The following GPATCH8 variants were observed in gnomAD, a reference collection of about 807,000 sequenced individuals.
GPATCH8 encodes G-patch domain containing 8.
In GPATCH8, 18 loss-of-function variants were observed where a neutral mutation model predicts 118.3. That is an observed-to-expected ratio of 0.15 (90% confidence interval 0.11 to 0.23). The LOEUF (loss-of-function observed/expected upper bound fraction) is 0.23. Ranked by LOEUF, GPATCH8 falls within the 10% of genes least tolerant of loss-of-function variation. GPATCH8 has a pLI of 1.00. For missense variants in GPATCH8, 1,631 were observed against 1,873.8 expected (o/e 0.87, Z 2.39); for synonymous variants, 659 against 684.7 (o/e 0.96, Z 0.59).
chr17:44,414,190 CAT>C (rs1297795490), intron 6 of GPATCH8, among the ~76,000 whole-genome samples: 3 of 142,612 alleles, frequency 2.1e-5, no homozygotes, highest in African/African-American at 5.0e-5. Flanking sequence ...TACATACACA[CAT>C]GTACATATGT....
intron 5 of GPATCH8, among the ~76,000 whole-genome samples, chr17:44,429,981 G>A (rs1279281106): frequency 1.3e-5 from 2 of 152,184 alleles, no homozygotes; most frequent in African/African-American, 2.4e-5. Context: ...GTGAGCCATC[G>A]TGCCACTGCA....
chr17:44,490,832 C>A (rs1174386348), intron 1 of GPATCH8, among the ~76,000 whole-genome samples: 2 of 152,168 alleles, frequency 1.3e-5, no homozygotes, highest in East Asian at 3.8e-4. Flanking sequence ...TAGTTCCTTA[C>A]AAGTCAAGGA....
At chr17:44,444,717 G>A (rs1016650171) in intron 3 of GPATCH8, among the ~76,000 whole-genome samples, 3 of 151,472 alleles carry the variant, frequency 2.0e-5, no homozygotes, top group African/African-American at 4.9e-5. Context: ...AAGTTGCAGT[G>A]AGCCGAGATC....
chr17:44,429,690 C>CA (rs59422081), intron 5 of GPATCH8, among the ~76,000 whole-genome samples: 1,591 of 75,114 alleles, frequency 0.021, 34 homozygotes, highest in African/African-American at 0.055. Flanking sequence ...ACACACAAAA[C>CA]AACAAACAAA....
chr17:44,446,691 A>G (rs918108521), intron 3 of GPATCH8, among the ~76,000 whole-genome samples: 6 of 152,196 alleles, frequency 3.9e-5, no homozygotes, highest in African/African-American at 1.4e-4. Flanking sequence ...TTGTGATACT[A>G]TAATAAGCCA....
At chr17:44,475,803 A>G (rs1967721600) in intron 1 of GPATCH8, among the ~76,000 whole-genome samples, 1 of 152,166 alleles carries the variant, frequency 6.6e-6, no homozygotes. Context: ...AGGCGGGAAG[A>G]TCACTTGAGG....
At chr17:44,441,141 C>G (rs577442844) in intron 3 of GPATCH8, among the ~76,000 whole-genome samples, 110 of 152,260 alleles carry the variant, frequency 7.2e-4, no homozygotes, top group African/African-American at 2.6e-3. Context: ...AGCCACTGCA[C>G]CCAGCCCAGG....
intron 6 of GPATCH8, among the ~76,000 whole-genome samples, chr17:44,411,717 A>C (rs947449852): frequency 6.6e-6 from 1 of 152,208 alleles, no homozygotes; most frequent in Non-Finnish European, 1.5e-5. Flanking sequence ...CTGCTCTCCC[A>C]ACAGGGACTG....
chr17:44,435,062 T>C lies in GPATCH8; in HGVS notation c.348+3A>G, dbSNP rs774337253. On this transcript the variant is annotated splice_donor_region_variant and intron_variant, in intron 5 of 7. Coordinates refer to ENST00000591680, the MANE Select transcript of GPATCH8 (RefSeq NM_001002909.4). ...CTCCCAATGAATAGCTTTGTTTAAA[T>C]ACCTTGTACTTTTGTCTCAGCTCTT... The C allele has an allele frequency of 2.4e-6, 3 of 1,253,920 alleles. No homozygotes were observed. Among genetic ancestry groups the C allele is most frequent in the Non-Finnish European group, 3.5e-6 (3 of 850,938 alleles). The allele number at this position is 1,253,920 out of a possible 1,614,324, so 77.7% of individuals were successfully genotyped here.
chr17:44,419,724 G>A (rs181448780), intron 6 of GPATCH8, among the ~76,000 whole-genome samples: 3 of 151,656 alleles, frequency 2.0e-5, no homozygotes, highest in East Asian at 1.9e-4. Context: ...GCAGTGGCAC[G>A]AGCATAGCTC....
At chr17:44,420,346 ACAC>A (rs1286120071) in intron 6 of GPATCH8, among the ~76,000 whole-genome samples, 2 of 152,238 alleles carry the variant, frequency 1.3e-5, no homozygotes, top group Non-Finnish European at 2.9e-5. Context: ...AGGTCAAATG[ACAC>A]CACAATATCA....
chr17:44,416,764 T>C (rs913805487), intron 6 of GPATCH8, among the ~76,000 whole-genome samples: 2 of 152,152 alleles, frequency 1.3e-5, no homozygotes, highest in Non-Finnish European at 2.9e-5. Context: ...TTAAATCATG[T>C]ATTAACAGAT....
Position 44,398,969 on chromosome 17 carries a change from G to C in GPATCH8, c.3108C>G (p.Pro1036=). 1 of 1,614,108 alleles carries C rather than the reference G, an allele frequency of 6.2e-7. No homozygotes were observed. Among genetic ancestry groups the C allele is most frequent in the Non-Finnish European group, 8.5e-7 (1 of 1,180,010 alleles). The change falls in exon 8 of 8, where the codon CCC becomes CCG. Residue 1036 remains proline (P), a synonymous_variant. Coordinates refer to ENST00000591680, the MANE Select transcript of GPATCH8 (RefSeq NM_001002909.4). ...CTCCCCGGCCTGATCGGAAATAGTG[G>C]GGGGACTGGGAGCGGTAGATCTTAG... ...IRSKIYRSQS[P]HYFRSGRGEG...
chr17:44,418,173 G>T (rs2049757913), intron 6 of GPATCH8, among the ~76,000 whole-genome samples: 1 of 151,908 alleles, frequency 6.6e-6, no homozygotes, highest in African/African-American at 2.4e-5. Flanking sequence ...GAGGAAGAAA[G>T]GAAGGGAGGA....
At chr17:44,479,872 C>T (rs565725445) in intron 1 of GPATCH8, among the ~76,000 whole-genome samples, 68 of 151,852 alleles carry the variant, frequency 4.5e-4, no homozygotes, top group Middle Eastern at 3.4e-3. Flanking sequence ...GAGGCTGAGG[C>T]TGGAGAACTG....
chr17:44,395,678 G>A lies in GPATCH8; in HGVS notation c.*1890C>T. 2.2e-6 allele frequency: 1 copy of A among 454,146 alleles called. No individual in the cohort carries two copies. The highest frequency in any genetic ancestry group is 4.4e-6 in the Non-Finnish European group (1 of 226,784). 28.1% of individuals were successfully genotyped at this position (454,146 alleles called of 1,614,324 possible). A position where few individuals can be genotyped will look rare whatever the true frequency, so the allele number is the denominator to read the frequency against. ...GAGGGTGGGAGGGCAGTCAAGAGTT[G>A]TGTTTGCCTGCCACTTTCTTTTCAT... On this transcript the variant is annotated 3_prime_UTR_variant, in exon 8 of 8. Transcript: ENST00000591680.
chr17:44,487,178 A>G lies in GPATCH8; in HGVS notation c.46-12275T>C, dbSNP rs1415318389. On this transcript the variant is annotated intron_variant, in intron 1 of 7. Transcript: ENST00000591680. ...CATCCCTTTATTTTCTTCCCCTCAA[A>G]CTCCTGGCAATCACTGATCTTTTTA... is the stretch of plus-strand genomic sequence containing the variant. 2.6e-5 allele frequency among the ~76,000 whole-genome samples: 4 copies of G among 151,570 alleles called. No homozygotes were observed. The East Asian group carries it at 7.7e-4, about 29-fold the overall frequency.
intron 6 of GPATCH8, 128 bp downstream of exon 6, chr17:44,424,221 G>A: frequency 1.4e-6 from 1 of 725,072 alleles, no homozygotes; most frequent in Non-Finnish European, 2.5e-6. Flanking sequence ...TGTGTTGGAT[G>A]ACTGCAGATA....
chr17:44,457,681 C>T (rs919855342), intron 3 of GPATCH8, among the ~76,000 whole-genome samples: 24 of 152,152 alleles, frequency 1.6e-4, no homozygotes. Context: ...CACCTATAAT[C>T]CCAGCACTGT....
Sources: allele counts gnomAD v4.1 joint callset (sites outside exome capture counted in the v4.1 genomes callset), GRCh38; gene constraint gnomAD v4.1.1; transcripts MANE v1.5; gene names NCBI Gene and HGNC (gene_info 2026-07-23, HGNC 2026-07-21).